TRAPPC9: variants seen among roughly 807,000 people sequenced by gnomAD.
TRAPPC9 encodes the protein IKK2 binding protein.
TRAPPC9 carries 83 observed loss-of-function variants against 124.0 expected under a neutral mutation model. The observed-to-expected ratio is 0.67, with a 90% CI of 0.56 to 0.80. TRAPPC9 has a LOEUF of 0.80. TRAPPC9 is among the 30% of genes least tolerant of loss of function. The pLI is 0.00. For missense variants in TRAPPC9, 1,302 were observed against 1,508.3 expected, an observed-to-expected ratio of 0.86 and a Z score of 2.27; for synonymous variants, 638 against 617.5, an observed-to-expected ratio of 1.03 and a Z score of -0.49.
chr8:139,793,783 A>G (rs7816574), intron 21 of TRAPPC9, among the ~76,000 whole-genome samples: 27,769 of 152,114 alleles, frequency 0.18, 4,672 homozygotes, highest in African/African-American at 0.45. Context: ...ATCCACATCC[A>G]ACTTGAGCAG....
chr8:139,758,131 G>T (rs1819977806), intron 21 of TRAPPC9, among the ~76,000 whole-genome samples: 1 of 152,234 alleles, frequency 6.6e-6, no homozygotes. Context: ...TCCCGTGACA[G>T]CGGGGAGGCC....
rs556598144 is a variant in TRAPPC9, at chr8:139,938,724, C to G, written c.2811-28424G>C. 3.2e-4 allele frequency among the ~76,000 whole-genome samples: 48 copies of G among 151,778 alleles called. No homozygotes were observed. The South Asian group carries it at 0.01, about 32-fold the overall frequency. On this transcript the variant is annotated intron_variant, in intron 19 of 22. Coordinates refer to ENST00000438773, the MANE Select transcript of TRAPPC9 (RefSeq NM_001160372.4). ...GCAGTGGCGCAATCTCGGCTCACTG[C>G]AAGCTCCGCTTCCCGGGTTCACGCC...
In TRAPPC9 at chr8:139,903,091, T is replaced by C. The variant is rs560722440; in HGVS notation, c.2964+7056A>G. Among the ~76,000 whole-genome samples the C allele has an allele frequency of 7.2e-5, 11 of 152,324 alleles. No individual in the cohort carries two copies. In the East Asian group the frequency reaches 1.9e-3, roughly 27 times the overall value. Reference sequence around the variant, plus strand: ...ACCCAAGCTGTGCCTGGGCTCCCTGTGCCCGGGAAGGCAGCTGTTTGAGGA... The same window carrying C: ...ACCCAAGCTGTGCCTGGGCTCCCTGCGCCCGGGAAGGCAGCTGTTTGAGGA... On this transcript the variant is annotated intron_variant, in intron 20 of 22. Transcript: ENST00000438773.
intron 17 of TRAPPC9, among the ~76,000 whole-genome samples, chr8:140,034,544 C>T (rs1840753246): frequency 6.6e-6 from 1 of 152,236 alleles, no homozygotes; most frequent in Non-Finnish European, 1.5e-5. Flanking sequence ...AGAATAAAAG[C>T]TCACTGCGGG....
At position 140,047,971 on chromosome 8, in the gene TRAPPC9, C is replaced by G. The variant is rs117740464; in HGVS notation, c.2557-23892G>C. On this transcript the variant is annotated intron_variant, in intron 17 of 22. Transcript: ENST00000438773. ...GTCCAGCCATAGCCACAGGCCCCAG[C>G]CAGAGCTCAAACAAGGACGCATGTG... Among the ~76,000 whole-genome samples, 146 of 152,358 alleles carry G rather than the reference C, an allele frequency of 9.6e-4. 3 individuals are homozygous for G. The East Asian group carries it at 0.027, about 28-fold the overall frequency.
intron 18 of TRAPPC9, among the ~76,000 whole-genome samples, chr8:140,022,374 G>C (rs546467005): frequency 2.0e-5 from 3 of 152,244 alleles, no homozygotes; most frequent in African/African-American, 4.8e-5. Flanking sequence ...AAAGAAAAGG[G>C]AGCAAGGGCC....
rs1381509809 is a variant in TRAPPC9, at chr8:139,788,576, C to A, written c.3056-56374G>T. On this transcript the variant is annotated intron_variant, in intron 21 of 22. Coordinates refer to ENST00000438773, the MANE Select transcript of TRAPPC9 (RefSeq NM_001160372.4). The surrounding 1 kb of genome is among the most constrained non-coding windows in gnomAD (Gnocchi z 4.9). ...TGCCAGCAGACCCTGGCATGGAGGTCCGTGGCCACTCCACGACAGCCCATG... is the reference window on the plus strand; with the variant it reads ...TGCCAGCAGACCCTGGCATGGAGGTACGTGGCCACTCCACGACAGCCCATG... Among the ~76,000 whole-genome samples, 5 of 152,188 alleles carry A rather than the reference C, an allele frequency of 3.3e-5. No individual in the cohort carries two copies. Among genetic ancestry groups the A allele is most frequent in the Admixed American group, 6.5e-5 (1 of 15,288 alleles).
chr8:140,426,933 T>C (rs1376839173), intron 4 of TRAPPC9, among the ~76,000 whole-genome samples: 1 of 151,904 alleles, frequency 6.6e-6, no homozygotes, highest in Non-Finnish European at 1.5e-5. Flanking sequence ...CTTTTTTTTT[T>C]TTTCTTTTCT....
chr8:140,408,043 C>T (rs2069557931), intron 5 of TRAPPC9, among the ~76,000 whole-genome samples: 1 of 152,084 alleles, frequency 6.6e-6, no homozygotes, highest in Non-Finnish European at 1.5e-5. Context: ...TGGGTCAGAC[C>T]AATTTAATTT....
intron 21 of TRAPPC9, among the ~76,000 whole-genome samples, chr8:139,860,805 G>A (rs1018365900): frequency 3.9e-5 from 6 of 152,338 alleles, no homozygotes; most frequent in Non-Finnish European, 7.3e-5. Flanking sequence ...CAGGTTCCTC[G>A]GGCCCAGTGG....
intron 19 of TRAPPC9, among the ~76,000 whole-genome samples, chr8:139,951,135 AC>A (rs1193584935): frequency 1.3e-5 from 2 of 152,080 alleles, no homozygotes. Context: ...TTGGAGAATC[AC>A]CCTGACACCT....
chr8:140,026,686 T>C (rs1268236190), intron 17 of TRAPPC9, among the ~76,000 whole-genome samples: 1 of 152,194 alleles, frequency 6.6e-6, no homozygotes, highest in East Asian at 1.9e-4. Context: ...AAGCTCACTA[T>C]TCCAAATCCC....
intron 15 of TRAPPC9, among the ~76,000 whole-genome samples, chr8:140,272,371 G>A (rs1003351398): frequency 1.3e-5 from 2 of 148,394 alleles, no homozygotes; most frequent in African/African-American, 2.5e-5. Flanking sequence ...TGGTAGTGAG[G>A]GTGGTGGTGA....
chr8:140,254,012 G>A (rs1041743710), intron 15 of TRAPPC9, among the ~76,000 whole-genome samples: 1 of 152,168 alleles, frequency 6.6e-6, no homozygotes, highest in African/African-American at 2.4e-5. Flanking sequence ...CAGGCAACAC[G>A]GGAGGAAGGG....
At chr8:139,936,640 G>C (rs903754484) in intron 19 of TRAPPC9, among the ~76,000 whole-genome samples, 4 of 152,220 alleles carry the variant, frequency 2.6e-5, no homozygotes, top group Admixed American at 1.3e-4. Context: ...CACTGAGTGT[G>C]GTGATAAAGC....
rs112545513 is a variant in TRAPPC9 at position 140,310,889 on chromosome 8, C to T, written c.1622+359G>A. 2.4e-3 allele frequency among the ~76,000 whole-genome samples: 358 copies of T among 151,838 alleles called. 2 individuals are homozygous for T. The highest frequency in any genetic ancestry group is 7.6e-3 in the African/African-American group (316 of 41,420). On this transcript the variant is annotated intron_variant, in intron 10 of 22. Transcript: ENST00000438773. ...CCGTGTGGCTGGGGTGCATGGCCTG[C>T]GGAAAGGGAAATGACTGAAAACTTC... is the stretch of plus-strand genomic sequence containing the variant.
At chr8:139,752,447 T>C (rs1819385945) in intron 21 of TRAPPC9, among the ~76,000 whole-genome samples, 1 of 148,610 alleles carries the variant, frequency 6.7e-6, no homozygotes, top group Admixed American at 6.7e-5. Flanking sequence ...TACCCATCCA[T>C]CCATCCACCC....
At chr8:139,979,931 C>T (rs928245210) in intron 19 of TRAPPC9, among the ~76,000 whole-genome samples, 1 of 152,030 alleles carries the variant, frequency 6.6e-6, no homozygotes, top group Non-Finnish European at 1.5e-5. Flanking sequence ...AGACCACATT[C>T]CCGCTCTGCC....
rs765656679 is a variant in TRAPPC9, at chr8:140,018,324, A to ATTTTTTCTTTTTTTTTTTTTT, written c.2699+5612_2699+5613insAAAAAAAAAAAAAAGAAAAAA. 4.6e-4 allele frequency among the ~76,000 whole-genome samples: 55 copies of ATTTTTTCTTTTTTTTTTTTTT among 119,776 alleles called. 10 individuals are homozygous for ATTTTTTCTTTTTTTTTTTTTT. Among genetic ancestry groups the ATTTTTTCTTTTTTTTTTTTTT allele is most frequent in the African/African-American group, 1.1e-3 (34 of 30,686 alleles). 78.6% of individuals were successfully genotyped at this position (119,776 alleles called of 152,430 possible). On this transcript the variant is annotated intron_variant, in intron 18 of 22. Transcript: ENST00000438773. ...TTGCTGGTATATAGAAACGTAAGTG[A>ATTTTTTCTTTTTTTTTTTTTT]TTTTTTTTTTTTTTTTTGAGACGGA...
Sources: allele counts gnomAD v4.1 joint callset (sites outside exome capture counted in the v4.1 genomes callset), GRCh38; gene constraint gnomAD v4.1.1; non-coding constraint Gnocchi (gnomAD v3.1); transcripts MANE v1.5; gene names NCBI Gene and HGNC (gene_info 2026-07-23, HGNC 2026-07-21).